ZC2HC1B: variants seen among roughly 807,000 people sequenced by gnomAD.
The protein encoded by ZC2HC1B is zinc finger C2HC domain-containing protein 1B.
ZC2HC1B carries 36 observed loss-of-function variants against 31.0 expected under a neutral mutation model. The observed-to-expected ratio is 1.16, with a 90% CI of 0.89 to 1.54. The LOEUF is 1.54. ZC2HC1B is among the 40% of genes most tolerant of loss of function. The pLI is 0.00. For synonymous variants in ZC2HC1B, 73 were observed against 88.0 expected (o/e 0.83, Z 0.95); for missense variants, 260 against 268.6 (o/e 0.97, Z 0.22).
chr6:143,917,126 TAGTG>T lies in ZC2HC1B; in HGVS notation c.598+13978_598+13981del, dbSNP rs1251919808. On this transcript the variant is annotated intron_variant, in intron 6 of 7. Coordinates refer to ENST00000237275, the MANE Select transcript of ZC2HC1B (RefSeq NM_001013623.3). This position sits in a 1 kb window ranked among gnomAD's most constrained non-coding sequence, Gnocchi z 4.1. ...AGTCTTTCCTGTGCTATTCTCGTGA[TAGTG>T]AGTAAGTCTCATGAGATCTGACGAC... 2.0e-5 allele frequency among the ~76,000 whole-genome samples: 3 copies of T among 152,196 alleles called. No homozygotes were observed. Among genetic ancestry groups the T allele is most frequent in the Non-Finnish European group, 2.9e-5 (2 of 68,034 alleles).
intron 1 of ZC2HC1B, among the ~76,000 whole-genome samples, chr6:143,882,334 T>TTTATATATATATATATATATATA (rs1554237237): frequency 2.1e-4 from 18 of 85,524 alleles, no homozygotes; most frequent in African/African-American, 8.9e-4. Context: ...TTTATATTTT[T>TTTATATATATATATATATATATA]TATATATATA....
intron 6 of ZC2HC1B, among the ~76,000 whole-genome samples, chr6:143,925,170 T>C (rs1336031802): frequency 0.012 from 729 of 59,118 alleles, 13 homozygotes; most frequent in African/African-American, 0.047. Flanking sequence ...CATTCCTTTT[T>C]TTTTTTTTTT....
At chr6:143,927,736 G>T (rs1051037349) in intron 6 of ZC2HC1B, among the ~76,000 whole-genome samples, 2 of 152,086 alleles carry the variant, frequency 1.3e-5, no homozygotes, top group Non-Finnish European at 2.9e-5. Context: ...CATAGAAGTT[G>T]TCTAATTTAC....
chr6:143,878,948 G>C (rs1220031947), intron 1 of ZC2HC1B, among the ~76,000 whole-genome samples: 1 of 152,094 alleles, frequency 6.6e-6, no homozygotes, highest in Non-Finnish European at 1.5e-5. Context: ...TTCCTTTCCA[G>C]AAAGTAGAAT....
At position 143,886,824 on chromosome 6, in the gene ZC2HC1B, GT is replaced by G; in HGVS notation, c.349+4del. The stretch of plus-strand genomic sequence containing the variant: ...ACCCCCTCCATCCTTGAACCCAGGT[GT>G]GTAGACATTTTGGGTTGCTTTTGAG... On this transcript the variant is annotated splice_donor_region_variant and intron_variant, in intron 4 of 7. Coordinates refer to ENST00000237275, the MANE Select transcript of ZC2HC1B (RefSeq NM_001013623.3). This position sits in a 1 kb window ranked among gnomAD's most constrained non-coding sequence, Gnocchi z 4.2. The G allele has an allele frequency of 2.6e-6, 4 of 1,512,414 alleles. No homozygotes were observed. Among genetic ancestry groups the G allele is most frequent in the Non-Finnish European group, 3.5e-6 (4 of 1,130,092 alleles). The allele number at this position is 1,512,414 out of a possible 1,614,324, so 93.7% of individuals were successfully genotyped here. A position where few individuals can be genotyped will look rare whatever the true frequency, so the allele number is the denominator to read the frequency against.
chr6:143,882,985 T>C (rs759426878), intron 1 of ZC2HC1B, among the ~76,000 whole-genome samples: 1 of 152,162 alleles, frequency 6.6e-6, no homozygotes, highest in Non-Finnish European at 1.5e-5. Flanking sequence ...GACTCTTTGA[T>C]ACAGAATCAC....
At chr6:143,931,673 A>G (rs1183812920) in intron 6 of ZC2HC1B, among the ~76,000 whole-genome samples, 1 of 152,142 alleles carries the variant, frequency 6.6e-6, no homozygotes, top group Non-Finnish European at 1.5e-5. Context: ...CATCTGGTTT[A>G]TAGGGTTTCT....
At chr6:143,912,272 C>T (rs1042393208) in intron 6 of ZC2HC1B, among the ~76,000 whole-genome samples, 7 of 152,220 alleles carry the variant, frequency 4.6e-5, no homozygotes, top group Admixed American at 3.9e-4. Flanking sequence ...GTCATTTCAA[C>T]CATCTCAGCC....
chr6:143,886,622 C>A lies in ZC2HC1B; in HGVS notation c.211-61C>A, dbSNP rs1002573283. ...TGTGAATTCAAATTCCAGCTTTAAA[C>A]AAAATTGTAATGGAGAGGTATATAG... On this transcript the variant is annotated intron_variant, in intron 3 of 7. Transcript: ENST00000237275. The surrounding 1 kb of genome is among the most constrained non-coding windows in gnomAD (Gnocchi z 4.2). 7 of 1,376,010 alleles carry A rather than the reference C, an allele frequency of 5.1e-6. No homozygotes were observed. The African/African-American group carries it at 1.1e-4, about 21-fold the overall frequency. 85.2% of individuals were successfully genotyped at this position (1,376,010 alleles called of 1,614,324 possible).
intron 5 of ZC2HC1B, among the ~76,000 whole-genome samples, 187 bp from the exon 6 acceptor site, chr6:143,902,857 G>T (rs982609394): frequency 2.0e-5 from 3 of 152,170 alleles, no homozygotes; most frequent in Admixed American, 2.0e-4. Context: ...AGCACCAGCT[G>T]GGAGGACAAG....
intron 1 of ZC2HC1B, among the ~76,000 whole-genome samples, chr6:143,879,318 A>G (rs1310956918): frequency 1.3e-5 from 2 of 152,068 alleles, no homozygotes; most frequent in African/African-American, 4.8e-5. Flanking sequence ...TCCCTGTCCT[A>G]TGTTTCTATG....
At chr6:143,936,753 CTACTT>C (rs760249650) in intron 6 of ZC2HC1B, among the ~76,000 whole-genome samples, 2 of 152,350 alleles carry the variant, frequency 1.3e-5, no homozygotes, top group African/African-American at 4.8e-5. Flanking sequence ...GGTGTGGGCT[CTACTT>C]TACTTCTGGA....
At position 143,917,765 on chromosome 6, in the gene ZC2HC1B, A is replaced by G. The variant is rs1431160738; in HGVS notation, c.598+14613A>G. On this transcript the variant is annotated intron_variant, in intron 6 of 7. Transcript: ENST00000237275. The surrounding 1 kb of genome is among the most constrained non-coding windows in gnomAD (Gnocchi z 4.1). ...AAAAATCTGCAACACTTTGGTCCCAAGCATTTCAGATAAGGGATCCTTAAT... is the reference window on the plus strand; with the variant it reads ...AAAAATCTGCAACACTTTGGTCCCAGGCATTTCAGATAAGGGATCCTTAAT... Among the ~76,000 whole-genome samples, 2 of 152,246 alleles carry G rather than the reference A, an allele frequency of 1.3e-5. No homozygotes were observed. The highest frequency in any genetic ancestry group is 2.4e-5 in the African/African-American group (1 of 41,464).
rs144712510 is a variant in ZC2HC1B, at chr6:143,890,493, T to C, written c.349+3672T>C. Among the ~76,000 whole-genome samples, 23 of 151,412 alleles carry C rather than the reference T, an allele frequency of 1.5e-4. No individual in the cohort carries two copies. In the East Asian group the frequency reaches 4.5e-3, roughly 29 times the overall value. On this transcript the variant is annotated intron_variant, in intron 4 of 7. Transcript: ENST00000237275. ...GAGAAATCTACAGCTAACATCACAC[T>C]TAATAGTGAAAAACTGAACACTTTC...
Position 143,868,936 on chromosome 6 carries a change from T to A in ZC2HC1B, c.28+4369T>A, listed in dbSNP as rs538095512. Among the ~76,000 whole-genome samples the A allele has an allele frequency of 6.4e-4, 97 of 152,324 alleles. No individual in the cohort carries two copies. Among genetic ancestry groups the A allele is most frequent in the Non-Finnish European group, 1.1e-3 (77 of 68,026 alleles). The stretch of plus-strand genomic sequence containing the variant: ...TATCTTCTTAGTACACGTGTGTACA[T>A]GCACAAACATGTTTTTAACAAAAGA... On this transcript the variant is annotated intron_variant, in intron 1 of 7. Transcript: ENST00000237275. This position sits in a 1 kb window ranked among gnomAD's most constrained non-coding sequence, Gnocchi z 4.2.
chr6:143,933,784 C>A lies in ZC2HC1B; in HGVS notation c.599-3865C>A, dbSNP rs1778148608. ...TGAGGAAGCAAGCACTGCTTTCAGG[C>A]CACACCTTTGCCAATCTGCCACACT... On this transcript the variant is annotated intron_variant, in intron 6 of 7. Coordinates refer to ENST00000237275, the MANE Select transcript of ZC2HC1B (RefSeq NM_001013623.3). This position sits in a 1 kb window ranked among gnomAD's most constrained non-coding sequence, Gnocchi z 6.4. Among the ~76,000 whole-genome samples, 1 of 152,196 alleles carries A rather than the reference C, an allele frequency of 6.6e-6. No homozygotes were observed. The highest frequency in any genetic ancestry group is 1.5e-5 in the Non-Finnish European group (1 of 68,042).
chr6:143,904,518 T>A (rs771307212), intron 6 of ZC2HC1B, among the ~76,000 whole-genome samples: 2 of 152,166 alleles, frequency 1.3e-5, no homozygotes, highest in Non-Finnish European at 2.9e-5. Flanking sequence ...TGTGCCAACA[T>A]GCCCAGATAA....
intron 4 of ZC2HC1B, among the ~76,000 whole-genome samples, chr6:143,894,509 C>G (rs1777640136): frequency 6.6e-6 from 1 of 151,802 alleles, no homozygotes; most frequent in African/African-American, 2.4e-5. Context: ...AGTGCAAAAA[C>G]AAAAAGCCAC....
At position 143,910,141 on chromosome 6, in the gene ZC2HC1B, G is replaced by A. The variant is rs117604547; in HGVS notation, c.598+6989G>A. Among the ~76,000 whole-genome samples, 19 of 152,124 alleles carry A rather than the reference G, an allele frequency of 1.2e-4. No homozygotes were observed. In the East Asian group the frequency reaches 2.5e-3, roughly 20 times the overall value. On this transcript the variant is annotated intron_variant, in intron 6 of 7. Transcript: ENST00000237275. ...CATTAATTTCAAAGAACTTGATTTC[G>A]GCCTTGATTTCATTATTTGCCCACA... is the stretch of plus-strand genomic sequence containing the variant.
Sources: gnomAD v4.1 joint callset for allele counts (sites outside exome capture counted in the v4.1 genomes callset) on GRCh38, gnomAD v4.1.1 for gene constraint, Gnocchi (gnomAD v3.1) non-coding constraint, MANE v1.5 for transcripts, NCBI Gene and HGNC (gene_info 2026-07-23, HGNC 2026-07-21) for gene names.